Variants in TNFSF8 observed in about 807,000 individuals in gnomAD.
The protein encoded by TNFSF8 is TNF superfamily member 8.
Under a neutral mutation model 22.0 loss-of-function variants are expected in TNFSF8, and 4 were observed. The ratio of observed to expected loss-of-function variants is 0.18; its 90% confidence interval spans 0.09 to 0.42. The LOEUF (loss-of-function observed/expected upper bound fraction) is 0.42. Among genes scored for constraint, TNFSF8 ranks in the 10% least tolerant of loss-of-function variants. The probability of loss-of-function intolerance (pLI) is 1.00; values close to 1 mark genes in which losing one functional copy is unlikely to be tolerated. For missense variants in TNFSF8, 233 were observed against 281.8 expected, an observed-to-expected ratio of 0.83 and a Z score of 1.24; for synonymous variants, 106 against 112.5, an observed-to-expected ratio of 0.94 and a Z score of 0.37.
chr9:114,911,549 T>C (rs1827851938), intron 2 of TNFSF8, among the ~76,000 whole-genome samples: 7 of 152,160 alleles, frequency 4.6e-5, no homozygotes, highest in Admixed American at 4.6e-4. Context: ...AATAGAGAGA[T>C]AAACTGCAGG....
At chr9:114,908,366 C>T (rs2131342845) in intron 2 of TNFSF8, among the ~76,000 whole-genome samples, 1 of 152,324 alleles carries the variant, frequency 6.6e-6, no homozygotes, top group South Asian at 2.1e-4. Flanking sequence ...TAACACAGGG[C>T]CTCATTCTCC....
downstream of TNFSF8, among the ~76,000 whole-genome samples, chr9:114,897,242 T>C (rs924538978): frequency 4.8e-4 from 73 of 150,764 alleles, no homozygotes; most frequent in African/African-American, 1.6e-3. Flanking sequence ...TCAATGAACA[T>C]TTCCATATTT....
chr9:114,906,972 G>A (rs1419760216), intron 2 of TNFSF8, among the ~76,000 whole-genome samples: 5 of 152,274 alleles, frequency 3.3e-5, no homozygotes, highest in East Asian at 1.9e-4. Flanking sequence ...TCCATCAGAC[G>A]GTAGGCAGCC....
At chr9:114,896,586 G>A (rs1310365340), downstream of TNFSF8, among the ~76,000 whole-genome samples, 1 of 152,108 alleles carries the variant, frequency 6.6e-6, no homozygotes, top group African/African-American at 2.4e-5. Context: ...ATATCACACT[G>A]TGCTACCTAA....
rs144130760 is a variant in TNFSF8 at position 114,894,596 on chromosome 9, C to T, written c.410-432G>A. ...ACTTAGACATACTTAAGCATTTCTT[C>T]GAGCCTCTGTTTCCTCATCTGCAAC... On this transcript the variant is annotated intron_variant, in intron 4 of 4. Transcript: ENST00000618336. 5.5e-4 allele frequency among the ~76,000 whole-genome samples: 84 copies of T among 152,214 alleles called. No homozygotes were observed. In the East Asian group the frequency reaches 0.014, roughly 25 times the overall value.
In TNFSF8 at chr9:114,901,367, A is replaced by G. The variant is rs1235081416; in HGVS notation, c.*2564T>C. On this transcript the variant is annotated 3_prime_UTR_variant, in exon 4 of 4. Transcript: ENST00000223795. Reference sequence around the variant, plus strand: ...GTTACATTATTCATTTAAATGATGTACCCCTTGTGTCTTTAGGTGTTGGCT... The same window carrying G: ...GTTACATTATTCATTTAAATGATGTGCCCCTTGTGTCTTTAGGTGTTGGCT... 5 of 985,360 alleles carry G rather than the reference A, an allele frequency of 5.1e-6. No homozygotes were observed. Among genetic ancestry groups the G allele is most frequent in the Non-Finnish European group, 3.6e-6 (3 of 829,902 alleles). 61.0% of individuals were successfully genotyped at this position (985,360 alleles called of 1,614,324 possible). A position where few individuals can be genotyped will look rare whatever the true frequency, so the allele number is the denominator to read the frequency against.
intron 2 of TNFSF8, among the ~76,000 whole-genome samples, chr9:114,917,046 C>G (rs917434142): frequency 6.6e-6 from 1 of 152,168 alleles, no homozygotes; most frequent in Non-Finnish European, 1.5e-5. Flanking sequence ...ACTTTTGCCC[C>G]TATTTTTGAA....
chr9:114,911,765 A>G (rs974553944), intron 2 of TNFSF8, among the ~76,000 whole-genome samples: 69 of 151,208 alleles, frequency 4.6e-4, no homozygotes, highest in African/African-American at 1.6e-3. Flanking sequence ...TTGGGATGTT[A>G]AGGTCTTTTC....
At chr9:114,906,343 T>G (rs1220588096) in intron 2 of TNFSF8, among the ~76,000 whole-genome samples, 1 of 152,242 alleles carries the variant, frequency 6.6e-6, no homozygotes, top group Non-Finnish European at 1.5e-5. Flanking sequence ...GTAGTGAGAA[T>G]GATAATACTG....
In TNFSF8 at chr9:114,902,343, G is replaced by A. The variant is rs930322400; in HGVS notation, c.*1588C>T. 1.0e-6 allele frequency: 1 copy of A among 985,432 alleles called. No individual in the cohort carries two copies. The allele number at this position is 985,432 out of a possible 1,614,324, so 61.0% of individuals were successfully genotyped here. On this transcript the variant is annotated 3_prime_UTR_variant, in exon 4 of 4. Coordinates refer to ENST00000223795, the MANE Select transcript of TNFSF8 (RefSeq NM_001244.4). Reference sequence around the variant, plus strand: ...TGAAGCAGGAATATATTATGCAGGGGATGGAGCAGCCATTCCCTGGCTAGA... The same window carrying A: ...TGAAGCAGGAATATATTATGCAGGGAATGGAGCAGCCATTCCCTGGCTAGA...
At position 114,902,675 on chromosome 9, in the gene TNFSF8, A is replaced by T; in HGVS notation, c.*1256T>A. The T allele has an allele frequency of 1.0e-6, 1 of 985,262 alleles. No individual in the cohort carries two copies. Among genetic ancestry groups the T allele is most frequent in the Non-Finnish European group, 1.2e-6 (1 of 829,884 alleles). 61.0% of individuals were successfully genotyped at this position (985,262 alleles called of 1,614,324 possible). On this transcript the variant is annotated 3_prime_UTR_variant, in exon 4 of 4. Coordinates refer to ENST00000223795, the MANE Select transcript of TNFSF8 (RefSeq NM_001244.4). ...GTGTTACTAGTGTCTTCAATTATAT[A>T]CTGGGGTAGGGGGGCCTTATTTTGG...
chr9:114,906,694 A>G (rs949104438), intron 2 of TNFSF8, among the ~76,000 whole-genome samples: 2 of 152,192 alleles, frequency 1.3e-5, no homozygotes, highest in African/African-American at 4.8e-5. Context: ...CAAACATAAT[A>G]TTATGTTATT....
In TNFSF8 at chr9:114,904,256, T is replaced by C. The variant is rs771379349; in HGVS notation, c.380A>G (p.Gln127Arg). ...KDGILHGVRY[Q>R]DGNLVIQFPG... is the part of the protein sequence containing the mutation. ...GAATTGGATCACCAGATTCCCATCC[T>C]GATATCTGACTCCATGGAGAATGCC... The change falls in exon 4 of 4, where the codon CAG becomes CGG. Residue 127 changes from glutamine to arginine, a missense_variant. Coordinates refer to ENST00000223795, the MANE Select transcript of TNFSF8 (RefSeq NM_001244.4). 1 of 1,614,126 alleles carries C rather than the reference T, an allele frequency of 6.2e-7. No individual in the cohort carries two copies. The highest frequency in any genetic ancestry group is 1.1e-5 in the South Asian group (1 of 91,076).
At chr9:114,904,383 A>G in intron 3 of TNFSF8, 58 bp from the exon 4 acceptor site, 1 of 1,529,760 alleles carries the variant, frequency 6.5e-7, no homozygotes, top group East Asian at 2.3e-5. Context: ...ACGCATTGCA[A>G]AATTCTAAGT....
intron 2 of TNFSF8, among the ~76,000 whole-genome samples, chr9:114,911,357 C>T (rs960980935): frequency 6.6e-6 from 1 of 152,176 alleles, no homozygotes; most frequent in East Asian, 1.9e-4. Context: ...TCATTCCAGG[C>T]TTCAGGGACA....
At chr9:114,894,688 T>C (rs1209779236) in intron 4 of TNFSF8, among the ~76,000 whole-genome samples, 4 of 152,204 alleles carry the variant, frequency 2.6e-5, no homozygotes, top group Non-Finnish European at 5.9e-5. Context: ...AAGGCTTCCA[T>C]GTGGTGCCTG....
intron 1 of TNFSF8, among the ~76,000 whole-genome samples, chr9:114,918,900 G>A (rs1034038390): frequency 1.3e-5 from 2 of 152,182 alleles, no homozygotes; most frequent in Admixed American, 6.5e-5. Flanking sequence ...CACTCGGCTA[G>A]AGCCAGGACT....
At chr9:114,910,412 AG>A (rs1452364225) in intron 2 of TNFSF8, among the ~76,000 whole-genome samples, 6 of 152,208 alleles carry the variant, frequency 3.9e-5, no homozygotes, top group African/African-American at 1.4e-4. Context: ...CAGAGAGACT[AG>A]GGTCTGGCCC....
intron 3 of TNFSF8, among the ~76,000 whole-genome samples, chr9:114,904,753 T>C (rs993900723): frequency 3.9e-5 from 6 of 152,222 alleles, no homozygotes; most frequent in Non-Finnish European, 8.8e-5. Flanking sequence ...AGATAGGAAA[T>C]TCAATAATAT....
Sources: allele counts gnomAD v4.1 joint callset (sites outside exome capture counted in the v4.1 genomes callset), GRCh38; gene constraint gnomAD v4.1.1; transcripts MANE v1.5; gene names NCBI Gene and HGNC (gene_info 2026-07-23, HGNC 2026-07-21).